The following KCNJ3 variants were observed in gnomAD, a reference collection of about 807,000 sequenced individuals.
KCNJ3 encodes the protein G protein-activated inward rectifier potassium channel 1.
KCNJ3 carries 4 observed loss-of-function variants against 39.2 expected under a neutral mutation model. The ratio of observed to expected loss-of-function variants is 0.10; its 90% confidence interval spans 0.05 to 0.23. KCNJ3 has a LOEUF of 0.23. Among genes scored for constraint, KCNJ3 ranks in the 10% least tolerant of loss-of-function variants. The pLI, the probability that KCNJ3 is intolerant of heterozygous loss-of-function variation, is 1.00. For missense variants in KCNJ3, 276 were observed against 634.9 expected (o/e 0.43, Z 6.08); for synonymous variants, 230 against 237.4 (o/e 0.97, Z 0.29).
At chr2:154,776,685 A>C (rs1368131868) in intron 2 of KCNJ3, among the ~76,000 whole-genome samples, 2 of 152,170 alleles carry the variant, frequency 1.3e-5, no homozygotes, top group African/African-American at 4.8e-5. Flanking sequence ...GATTATATTG[A>C]ATTAATATCC....
At chr2:154,744,454 T>C (rs1017412583) in intron 2 of KCNJ3, among the ~76,000 whole-genome samples, 1 of 151,828 alleles carries the variant, frequency 6.6e-6, no homozygotes. Context: ...AAAGTGAAAT[T>C]AGCCTGAAGT....
intron 2 of KCNJ3, among the ~76,000 whole-genome samples, chr2:154,742,057 C>A (rs1178890252): frequency 6.6e-6 from 1 of 151,748 alleles, no homozygotes; most frequent in Non-Finnish European, 1.5e-5. Flanking sequence ...CATGCTCAGT[C>A]CCTGGAAACC....
At chr2:154,812,771 G>A (rs374440881) in intron 2 of KCNJ3, among the ~76,000 whole-genome samples, 5 of 151,908 alleles carry the variant, frequency 3.3e-5, no homozygotes, top group Non-Finnish European at 4.4e-5. Context: ...CTCCTATAAC[G>A]AGGTTAAAAA....
rs1687869686 is a variant in KCNJ3, at chr2:154,857,919, A to AAAAAAAAAAAAAAT, written c.*2614_*2615insAAAAATAAAAAAAA. 7.7e-6 allele frequency: 1 copy of AAAAAAAAAAAAAAT among 129,068 alleles called. No homozygotes were observed. Among genetic ancestry groups the AAAAAAAAAAAAAAT allele is most frequent in the Non-Finnish European group, 1.7e-5 (1 of 59,886 alleles). 8.0% of individuals were successfully genotyped at this position (129,068 alleles called of 1,614,324 possible). A position where few individuals can be genotyped will look rare whatever the true frequency, so the allele number is the denominator to read the frequency against. ...AAAAAAAAAAAAAAAAAAAAAAAAA[A>AAAAAAAAAAAAAAT]AAAAAAAAGAATAAAAACAGGGTAA... On this transcript the variant is annotated 3_prime_UTR_variant, in exon 3 of 3. Transcript: ENST00000295101.
intron 2 of KCNJ3, among the ~76,000 whole-genome samples, chr2:154,714,792 C>G (rs1208832737): frequency 6.6e-6 from 1 of 152,128 alleles, no homozygotes; most frequent in Admixed American, 6.5e-5. Context: ...CTAAACAATT[C>G]TAGACTTTAA....
intron 2 of KCNJ3, among the ~76,000 whole-genome samples, chr2:154,775,821 T>A (rs1558871077): frequency 6.6e-6 from 1 of 152,130 alleles, no homozygotes; most frequent in Admixed American, 6.6e-5. Context: ...TTTGGGAAGA[T>A]ATAAAAAGTA....
intron 2 of KCNJ3, among the ~76,000 whole-genome samples, chr2:154,750,496 TC>T (rs1372610992): frequency 1.3e-5 from 2 of 152,012 alleles, no homozygotes; most frequent in African/African-American, 4.8e-5. Context: ...TTCTATAACT[TC>T]TATAAATTCT....
intron 2 of KCNJ3, among the ~76,000 whole-genome samples, chr2:154,797,727 C>T (rs1323916044): frequency 6.6e-6 from 1 of 152,002 alleles, no homozygotes; most frequent in Non-Finnish European, 1.5e-5. Flanking sequence ...TTACATTGAG[C>T]ACACTCTTCC....
intron 2 of KCNJ3, among the ~76,000 whole-genome samples, chr2:154,769,706 G>T (rs1178901566): frequency 6.6e-6 from 1 of 152,050 alleles, no homozygotes; most frequent in African/African-American, 2.4e-5. Flanking sequence ...CTCATAAAAT[G>T]GGTTAGGGAG....
At chr2:154,853,887 AG>A (rs1013204344) in intron 2 of KCNJ3, among the ~76,000 whole-genome samples, 1 of 152,186 alleles carries the variant, frequency 6.6e-6, no homozygotes, top group African/African-American at 2.4e-5. Flanking sequence ...GCCAGCAACC[AG>A]TTCCAGATAT....
chr2:154,702,289 A>G (rs1214456214), intron 1 of KCNJ3, among the ~76,000 whole-genome samples: 1 of 151,988 alleles, frequency 6.6e-6, no homozygotes, highest in Non-Finnish European at 1.5e-5. Flanking sequence ...GCTAGTAACT[A>G]TAGTGCATGT....
At chr2:154,787,500 C>T (rs978456588) in intron 2 of KCNJ3, among the ~76,000 whole-genome samples, 2 of 152,140 alleles carry the variant, frequency 1.3e-5, no homozygotes, top group Non-Finnish European at 2.9e-5. Context: ...TCTTTGAAAC[C>T]TCAGGACATC....
chr2:154,793,118 T>C (rs1686665218), intron 2 of KCNJ3, among the ~76,000 whole-genome samples: 1 of 152,084 alleles, frequency 6.6e-6, no homozygotes, highest in South Asian at 2.1e-4. Flanking sequence ...ATTCACATCA[T>C]GACATTCAAA....
At chr2:154,791,255 A>G (rs933979328) in intron 2 of KCNJ3, among the ~76,000 whole-genome samples, 2 of 144,812 alleles carry the variant, frequency 1.4e-5, no homozygotes, top group Admixed American at 6.7e-5. Flanking sequence ...CTGCTAAAGC[A>G]TATGCCCAAA....
chr2:154,736,555 C>A (rs1323483496), intron 2 of KCNJ3, among the ~76,000 whole-genome samples: 1 of 151,980 alleles, frequency 6.6e-6, no homozygotes, highest in Non-Finnish European at 1.5e-5. Flanking sequence ...TTATTCTTAC[C>A]AACTCAGAGG....
At chr2:154,777,171 C>T (rs1574458536) in intron 2 of KCNJ3, among the ~76,000 whole-genome samples, 1 of 152,236 alleles carries the variant, frequency 6.6e-6, no homozygotes, top group East Asian at 1.9e-4. Context: ...TACATGAAAA[C>T]ATTTTCTGTA....
intron 2 of KCNJ3, among the ~76,000 whole-genome samples, chr2:154,724,482 G>A (rs141214310): frequency 1.4e-4 from 22 of 152,092 alleles, no homozygotes; most frequent in Non-Finnish European, 2.4e-4. Context: ...CGTACAGCTC[G>A]AGAATTTTCT....
At chr2:154,808,523 C>G (rs973497395) in intron 2 of KCNJ3, among the ~76,000 whole-genome samples, 4 of 152,154 alleles carry the variant, frequency 2.6e-5, no homozygotes, top group Admixed American at 1.3e-4. Context: ...AACAACCCAA[C>G]AAGACAATTC....
intron 2 of KCNJ3, among the ~76,000 whole-genome samples, chr2:154,846,848 A>C (rs906357882): frequency 1.3e-5 from 2 of 152,144 alleles, no homozygotes; most frequent in Non-Finnish European, 2.9e-5. Flanking sequence ...TGTTTCTAAA[A>C]TTCTTATTGA....
Sources: gnomAD v4.1 joint callset for allele counts (sites outside exome capture counted in the v4.1 genomes callset) on GRCh38, gnomAD v4.1.1 for gene constraint, MANE v1.5 for transcripts, NCBI Gene and HGNC (gene_info 2026-07-23, HGNC 2026-07-21) for gene names.